The following CD82 variants were observed in gnomAD, a reference collection of about 807,000 sequenced individuals.
The protein encoded by CD82 is CD82 antigen.
CD82 carries 36 observed loss-of-function variants against 37.4 expected under a neutral mutation model. The ratio of observed to expected loss-of-function variants is 0.96; its 90% CI spans 0.74 to 1.27. The LOEUF is 1.27. Among genes scored for constraint, CD82 ranks in the 50% most tolerant of loss-of-function variants. CD82 has a pLI of 0.00. For missense variants in CD82, 340 were observed against 347.0 expected (o/e 0.98, Z 0.16); for synonymous variants, 158 against 137.4 (o/e 1.15, Z -1.05).
chr11:44,571,026 C>T (rs1372305031), intron 1 of CD82, among the ~76,000 whole-genome samples: 2 of 152,162 alleles, frequency 1.3e-5, no homozygotes, highest in Non-Finnish European at 2.9e-5. Context: ...CTCCGCCGCC[C>T]CACCCCGCAA....
intron 1 of CD82, among the ~76,000 whole-genome samples, chr11:44,586,990 G>T (rs758980995): frequency 3.9e-5 from 6 of 152,192 alleles, no homozygotes; most frequent in Non-Finnish European, 5.9e-5. Context: ...TGAGGGTGCC[G>T]TGTAACAACC....
At chr11:44,606,465 C>T (rs1853397714) in intron 6 of CD82, 1 of 71,422 alleles carries the variant, frequency 1.4e-5, no homozygotes, top group African/African-American at 7.0e-5. Context: ...GAGACCCTGT[C>T]TCAAAAAAAA....
At chr11:44,565,368 G>C (rs1852714566), upstream of CD82, among the ~76,000 whole-genome samples, 2 of 152,210 alleles carry the variant, frequency 1.3e-5, no homozygotes, top group South Asian at 4.1e-4. Flanking sequence ...AGTGGACAGG[G>C]CTGGAGCGGG....
chr11:44,613,097 CCA>C (rs1439453333), intron 6 of CD82, among the ~76,000 whole-genome samples: 1 of 152,208 alleles, frequency 6.6e-6, no homozygotes, highest in Non-Finnish European at 1.5e-5. Flanking sequence ...CTCTGAAACC[CCA>C]CCTGGAAGTA....
chr11:44,618,445 C>T (rs1391577023), intron 8 of CD82, 80 bp downstream of exon 8: 15 of 1,284,634 alleles, frequency 1.2e-5, no homozygotes, highest in Non-Finnish European at 1.7e-5. Context: ...CAATTCCTTC[C>T]TGCATTTAGT....
chr11:44,580,454 G>T (rs952148182), intron 1 of CD82, among the ~76,000 whole-genome samples: 2 of 152,208 alleles, frequency 1.3e-5, no homozygotes, highest in African/African-American at 4.8e-5. Context: ...CAGGCCAGGC[G>T]CGGTGGCTCA....
chr11:44,579,338 G>A lies in CD82; in HGVS notation c.-102-8137G>A, dbSNP rs1003255185. Among the ~76,000 whole-genome samples the A allele has an allele frequency of 2.6e-5, 4 of 152,166 alleles. No homozygotes were observed. In the East Asian group the frequency reaches 5.8e-4, roughly 22 times the overall value. On this transcript the variant is annotated intron_variant, in intron 1 of 9. Coordinates refer to ENST00000227155, the MANE Select transcript of CD82 (RefSeq NM_002231.4). ...GGGCAACCTCTGGGGTGGCCCCAGA[G>A]CAGGAGCTGGGAAGCTGGCCTGGCT...
At chr11:44,576,982 AT>A (rs1479709649) in intron 1 of CD82, among the ~76,000 whole-genome samples, 3 of 152,048 alleles carry the variant, frequency 2.0e-5, no homozygotes, top group African/African-American at 7.2e-5. Context: ...CTTTCTCTCT[AT>A]TCTCAGCCTT....
chr11:44,612,686 G>A (rs893602707), intron 6 of CD82, among the ~76,000 whole-genome samples: 7 of 133,128 alleles, frequency 5.3e-5, no homozygotes, highest in Non-Finnish European at 1.1e-4. Flanking sequence ...AGGCTGGAGT[G>A]CAGTGGCGTG....
chr11:44,618,001 T>C (rs9971373), intron 7 of CD82, among the ~76,000 whole-genome samples, 161 bp from the exon 8 acceptor site: 42,882 of 152,082 alleles, frequency 0.28, 6,380 homozygotes, highest in Middle Eastern at 0.34. Context: ...CTGGTTTTGA[T>C]TTTTCTGCTG....
At chr11:44,570,509 G>T (rs1255033574) in intron 1 of CD82, among the ~76,000 whole-genome samples, 2 of 152,226 alleles carry the variant, frequency 1.3e-5, no homozygotes, top group Non-Finnish European at 2.9e-5. Flanking sequence ...CTTGGGTGAG[G>T]CCGGGGGTAT....
chr11:44,574,091 T>C (rs1408310819), intron 1 of CD82, among the ~76,000 whole-genome samples: 1 of 152,090 alleles, frequency 6.6e-6, no homozygotes, highest in Non-Finnish European at 1.5e-5. Flanking sequence ...GAAGCTCTGC[T>C]GGGGGGTCAG....
intron 1 of CD82, among the ~76,000 whole-genome samples, chr11:44,572,587 C>T (rs1349052888): frequency 1.3e-5 from 2 of 151,926 alleles, no homozygotes; most frequent in East Asian, 1.9e-4. Flanking sequence ...ATGGTAGGAG[C>T]GTCCATTGTC....
intron 1 of CD82, among the ~76,000 whole-genome samples, chr11:44,568,588 G>A (rs537010914): frequency 3.3e-5 from 5 of 152,186 alleles, no homozygotes; most frequent in Non-Finnish European, 7.4e-5. Context: ...GGGAGGATAG[G>A]GGTGAGAGGT....
chr11:44,603,599 T>C (rs933784866), intron 4 of CD82, among the ~76,000 whole-genome samples: 3 of 152,296 alleles, frequency 2.0e-5, no homozygotes, highest in Admixed American at 1.3e-4. Flanking sequence ...GCTCCTCTGA[T>C]CCACACTACT....
intron 7 of CD82, among the ~76,000 whole-genome samples, chr11:44,617,618 C>G (rs959014267): frequency 8.2e-5 from 12 of 146,614 alleles, no homozygotes; most frequent in Admixed American, 8.1e-4. Context: ...TCACTTTTCA[C>G]TTTTTTTCCT....
At chr11:44,565,457 G>A (rs1852716477), upstream of CD82, 1 of 151,824 alleles carries the variant, frequency 6.6e-6, no homozygotes, top group Non-Finnish European at 1.5e-5. Flanking sequence ...CGGGGCCTCA[G>A]CTCCAGCTGG....
chr11:44,596,715 G>C (rs1023631595), intron 3 of CD82: 1 of 365,326 alleles, frequency 2.7e-6, no homozygotes, highest in African/African-American at 2.1e-5. Context: ...AGGAGGGTGA[G>C]AGTGAAAGAG....
At chr11:44,568,743 C>T (rs1590322600) in intron 1 of CD82, among the ~76,000 whole-genome samples, 1 of 152,168 alleles carries the variant, frequency 6.6e-6, no homozygotes, top group Non-Finnish European at 1.5e-5. Flanking sequence ...TGAGGCCTCA[C>T]GCTTTAGAGC....
Sources: gnomAD v4.1 joint callset for allele counts (sites outside exome capture counted in the v4.1 genomes callset) on GRCh38, gnomAD v4.1.1 for gene constraint, MANE v1.5 for transcripts, NCBI Gene and HGNC (gene_info 2026-07-23, HGNC 2026-07-21) for gene names.